Variants in CCDC102B observed in about 807,000 individuals in gnomAD.
CCDC102B encodes the protein coiled-coil domain containing 102B.
A neutral mutation model predicts 57.4 loss-of-function variants in CCDC102B; 75 were observed. That is an observed-to-expected ratio of 1.31 (90% CI 1.08 to 1.58). The LOEUF (loss-of-function observed/expected upper bound fraction) is 1.58, where lower values mean the gene tolerates loss of function less well. Among genes scored for constraint, CCDC102B ranks in the 40% most tolerant of loss-of-function variants. The pLI is 0.00. For synonymous variants in CCDC102B, 206 were observed against 201.9 expected (o/e 1.02, Z -0.17); for missense variants, 636 against 582.6 (o/e 1.09, Z -0.94).
intron 5 of CCDC102B, 88 bp from the exon 6 acceptor site, chr18:68,897,131 T>A: frequency 1.0e-6 from 1 of 970,854 alleles, no homozygotes; most frequent in Non-Finnish European, 1.6e-6. Context: ...TCCATGAACT[T>A]TTCTTAATGG....
chr18:68,991,920 G>A (rs1441205427), intron 6 of CCDC102B, among the ~76,000 whole-genome samples: 2 of 152,118 alleles, frequency 1.3e-5, no homozygotes, highest in Non-Finnish European at 2.9e-5. Flanking sequence ...CATGATACAT[G>A]TGAGATACCC....
chr18:68,897,689 A>G (rs2145018295), intron 6 of CCDC102B: 1 of 1,317,502 alleles, frequency 7.6e-7, no homozygotes, highest in Non-Finnish European at 1.0e-6. Flanking sequence ...TGAAGTAAGA[A>G]ATAGAACTTT....
chr18:68,723,317 T>C (rs1156535684), intron 2 of CCDC102B, among the ~76,000 whole-genome samples: 1 of 152,136 alleles, frequency 6.6e-6, no homozygotes, highest in Non-Finnish European at 1.5e-5. Context: ...ATTCTGCCCC[T>C]TGCCCCTCCC....
At chr18:68,790,414 C>T (rs995658113) in intron 2 of CCDC102B, among the ~76,000 whole-genome samples, 18 of 150,452 alleles carry the variant, frequency 1.2e-4, no homozygotes, top group Admixed American at 3.3e-4. Context: ...CAATGGCGGG[C>T]GCCCCTCCCC....
chr18:68,977,695 G>T (rs1296232150), intron 6 of CCDC102B, among the ~76,000 whole-genome samples: 1 of 151,862 alleles, frequency 6.6e-6, no homozygotes, highest in Admixed American at 6.6e-5. Context: ...ATGAGTCTGT[G>T]GAATATCCTG....
chr18:68,956,983 T>A (rs879705417), intron 6 of CCDC102B, among the ~76,000 whole-genome samples: 5 of 152,056 alleles, frequency 3.3e-5, no homozygotes, highest in Non-Finnish European at 5.9e-5. Flanking sequence ...ATTACTAATT[T>A]TTTTCCTTTT....
rs28533246 is a variant in CCDC102B at position 68,965,562 on chromosome 18, C to G, written c.1264-45372C>G. Among the ~76,000 whole-genome samples the G allele has an allele frequency of 2.5e-3, 384 of 151,132 alleles. 1 individual carries two copies. Among genetic ancestry groups the G allele is most frequent in the African/African-American group, 8.5e-3 (353 of 41,296 alleles). On this transcript the variant is annotated intron_variant, in intron 6 of 7. Transcript: ENST00000360242. ...CCAACATGGCACATGTATACATATG[C>G]AACAAACCTGCACATTGTGCACATG...
intron 5 of CCDC102B, among the ~76,000 whole-genome samples, chr18:68,887,754 A>G (rs909193704): frequency 1.2e-4 from 18 of 152,248 alleles, no homozygotes; most frequent in African/African-American, 4.3e-4. Flanking sequence ...AACCTTGCTA[A>G]GTAAATAAAA....
At chr18:68,778,458 G>A (rs966568388) in intron 2 of CCDC102B, among the ~76,000 whole-genome samples, 15 of 151,950 alleles carry the variant, frequency 9.9e-5, no homozygotes, top group Non-Finnish European at 2.1e-4. Context: ...AGATGTACCC[G>A]GTTTTAGTTT....
At chr18:68,975,038 C>T (rs537558364) in intron 6 of CCDC102B, among the ~76,000 whole-genome samples, 5 of 152,046 alleles carry the variant, frequency 3.3e-5, no homozygotes, top group East Asian at 3.9e-4. Context: ...TCCCAAGAAT[C>T]GTAAGACTCA....
At chr18:68,908,313 A>G (rs886431099) in intron 6 of CCDC102B, 12 of 152,192 alleles carry the variant, frequency 7.9e-5, no homozygotes. Context: ...TAAAAACACC[A>G]CAAAGCTTTC....
chr18:68,750,346 G>A (rs1481176386), intron 2 of CCDC102B, among the ~76,000 whole-genome samples: 1 of 152,178 alleles, frequency 6.6e-6, no homozygotes, highest in African/African-American at 2.4e-5. Context: ...CTGTTGGTGG[G>A]ACTGTAAACT....
At chr18:68,847,716 G>A (rs1007638066) in intron 4 of CCDC102B, among the ~76,000 whole-genome samples, 1 of 151,754 alleles carries the variant, frequency 6.6e-6, no homozygotes, top group African/African-American at 2.4e-5. Context: ...ATACATATAT[G>A]ATGCTTTTGG....
At chr18:68,790,651 G>C (rs1018978042) in intron 2 of CCDC102B, among the ~76,000 whole-genome samples, 1 of 151,818 alleles carries the variant, frequency 6.6e-6, no homozygotes, top group Non-Finnish European at 1.5e-5. Flanking sequence ...GACCCCTTGC[G>C]CTTCCCAAGT....
chr18:68,727,870 A>G lies in CCDC102B; in HGVS notation c.-67+11276A>G, dbSNP rs184632597. ...TAAAATCCCAATGATTTGGGTGCAT[A>G]TTGACTCTTGGACTGTTTTTAATGG... On this transcript the variant is annotated intron_variant, in intron 2 of 3. Coordinates refer to the CCDC102B transcript ENST00000578970. Among the ~76,000 whole-genome samples, 3 of 152,336 alleles carry G rather than the reference A, an allele frequency of 2.0e-5. No homozygotes were observed. The East Asian group carries it at 5.8e-4, about 29-fold the overall frequency.
intron 2 of CCDC102B, among the ~76,000 whole-genome samples, chr18:68,738,267 A>G (rs2033233213): frequency 1.3e-5 from 2 of 152,176 alleles, no homozygotes; most frequent in Non-Finnish European, 2.9e-5. Flanking sequence ...CTATGTGAGC[A>G]GAGTAGACAT....
intron 6 of CCDC102B, among the ~76,000 whole-genome samples, chr18:68,981,271 A>G (rs1486184426): frequency 6.6e-6 from 1 of 152,012 alleles, no homozygotes; most frequent in Non-Finnish European, 1.5e-5. Flanking sequence ...AGAGAGAAGA[A>G]GAGACAGGGA....
intron 2 of CCDC102B, among the ~76,000 whole-genome samples, chr18:68,744,184 G>T (rs1377087222): frequency 6.6e-6 from 1 of 152,152 alleles, no homozygotes; most frequent in African/African-American, 2.4e-5. Flanking sequence ...GATATGCTCT[G>T]TTGAAATTCT....
chr18:68,978,028 G>T (rs2050486392), intron 6 of CCDC102B, among the ~76,000 whole-genome samples: 1 of 152,012 alleles, frequency 6.6e-6, no homozygotes, highest in Non-Finnish European at 1.5e-5. Flanking sequence ...AGAGCATAAT[G>T]TGAAGGTAAC....
Sources: allele counts gnomAD v4.1 joint callset (sites outside exome capture counted in the v4.1 genomes callset), GRCh38; gene constraint gnomAD v4.1.1; transcripts MANE v1.5; gene names NCBI Gene and HGNC (gene_info 2026-07-23, HGNC 2026-07-21).